Variants in ARHGAP15 observed in about 807,000 individuals in gnomAD.
The protein encoded by ARHGAP15 is Rho GTPase activating protein 15, also known as rho GTPase-activating protein 15.
Under a neutral mutation model 63.7 loss-of-function variants are expected in ARHGAP15, and 51 were observed. The observed-to-expected ratio is 0.80, with a 90% confidence interval of 0.64 to 1.01. The LOEUF is 1.01. Ranked by LOEUF, ARHGAP15 falls within the 50% of genes least tolerant of loss-of-function variation. The pLI is 0.00. For synonymous variants in ARHGAP15, 191 were observed against 193.8 expected, an observed-to-expected ratio of 0.99 and a Z score of 0.12; for missense variants, 560 against 564.6, an observed-to-expected ratio of 0.99 and a Z score of 0.08.
At chr2:143,619,972 C>T (rs1373722421) in intron 11 of ARHGAP15, among the ~76,000 whole-genome samples, 1 of 152,130 alleles carries the variant, frequency 6.6e-6, no homozygotes, top group African/African-American at 2.4e-5. Context: ...TTGTTGATCC[C>T]GTTCAAGAAA....
intron 6 of ARHGAP15, among the ~76,000 whole-genome samples, chr2:143,335,586 T>C (rs1225401268): frequency 6.6e-6 from 1 of 152,192 alleles, no homozygotes; most frequent in Non-Finnish European, 1.5e-5. Flanking sequence ...TAAAACTTAT[T>C]GGAACTCTTC....
intron 9 of ARHGAP15, among the ~76,000 whole-genome samples, chr2:143,499,872 A>G (rs1042008117): frequency 6.6e-6 from 1 of 152,122 alleles, no homozygotes; most frequent in African/African-American, 2.4e-5. Context: ...CATTATTTAA[A>G]AAGATGTTCT....
chr2:143,681,197 A>T (rs992330384), intron 12 of ARHGAP15, among the ~76,000 whole-genome samples: 2 of 152,120 alleles, frequency 1.3e-5, no homozygotes, highest in Admixed American at 1.3e-4. Context: ...CTCTAGGGGG[A>T]AATCAGTGAC....
intron 6 of ARHGAP15, among the ~76,000 whole-genome samples, chr2:143,368,742 A>G (rs1196729362): frequency 6.6e-6 from 1 of 152,104 alleles, no homozygotes; most frequent in Non-Finnish European, 1.5e-5. Flanking sequence ...GAAGAAAGCA[A>G]GTGAGAAGCA....
chr2:143,733,903 AAATT>A (rs1334058901), intron 13 of ARHGAP15, among the ~76,000 whole-genome samples: 2 of 152,194 alleles, frequency 1.3e-5, no homozygotes, highest in African/African-American at 2.4e-5. Context: ...TTTTCTTAAA[AAATT>A]ATTTAAGAAA....
Position 143,184,049 on chromosome 2 carries a change from C to T in ARHGAP15, c.166-18085C>T, listed in dbSNP as rs536886732. ...GTCCCAGGAAGAAAAGACAGAAACA[C>T]GTAACCTGAAATGACACAGCCGCTG... On this transcript the variant is annotated intron_variant, in intron 2 of 13. Transcript: ENST00000295095. Among the ~76,000 whole-genome samples the T allele has an allele frequency of 3.3e-5, 5 of 152,282 alleles. No individual in the cohort carries two copies. The East Asian group carries it at 5.8e-4, about 18-fold the overall frequency.
intron 8 of ARHGAP15, among the ~76,000 whole-genome samples, chr2:143,471,230 A>G (rs531671920): frequency 6.2e-4 from 91 of 147,522 alleles, no homozygotes; most frequent in Non-Finnish European, 1.1e-3. Flanking sequence ...ACACATGTGT[A>G]TGTGTATATG....
rs145993333 is a variant in ARHGAP15 at position 143,189,757 on chromosome 2, C to T, written c.166-12377C>T. Among the ~76,000 whole-genome samples the T allele has an allele frequency of 3.7e-3, 569 of 152,140 alleles. 5 individuals carry two copies. Among genetic ancestry groups the T allele is most frequent in the African/African-American group, 0.013 (524 of 41,534 alleles). On this transcript the variant is annotated intron_variant, in intron 2 of 13. Transcript: ENST00000295095. ...GATTACAGGCGTGAGCCACCGCACC[C>T]GGACTTGATCTTTTCTTTCTACTCG...
At chr2:143,372,321 G>A (rs976587377) in intron 6 of ARHGAP15, among the ~76,000 whole-genome samples, 26 of 134,572 alleles carry the variant, frequency 1.9e-4, no homozygotes, top group African/African-American at 4.7e-4. Flanking sequence ...CCAGCCTGGC[G>A]ACAAAAAATA....
intron 8 of ARHGAP15, among the ~76,000 whole-genome samples, chr2:143,455,241 G>A (rs550861434): frequency 7.9e-5 from 12 of 152,074 alleles, no homozygotes; most frequent in Admixed American, 5.9e-4. Flanking sequence ...AGCAATTCCC[G>A]GAACTTTTTA....
At chr2:143,686,777 A>G (rs982908391) in intron 12 of ARHGAP15, among the ~76,000 whole-genome samples, 3 of 152,148 alleles carry the variant, frequency 2.0e-5, no homozygotes, top group Non-Finnish European at 4.4e-5. Flanking sequence ...AATATTCCAG[A>G]TACACTGACG....
chr2:143,170,336 G>T (rs997801708), intron 2 of ARHGAP15, among the ~76,000 whole-genome samples: 1 of 152,064 alleles, frequency 6.6e-6, no homozygotes, highest in Non-Finnish European at 1.5e-5. Context: ...TATGTACTCG[G>T]CATTATGCTA....
chr2:143,670,149 A>T (rs1388745702), intron 12 of ARHGAP15, among the ~76,000 whole-genome samples: 1 of 152,132 alleles, frequency 6.6e-6, no homozygotes, highest in Non-Finnish European at 1.5e-5. Context: ...CCCCATACAG[A>T]AAAGCTCTTG....
At chr2:143,400,825 G>C (rs1022687471) in intron 6 of ARHGAP15, among the ~76,000 whole-genome samples, 9 of 151,984 alleles carry the variant, frequency 5.9e-5, no homozygotes, top group African/African-American at 2.2e-4. Flanking sequence ...TAGGGGAGTT[G>C]AGTAGACTTT....
intron 3 of ARHGAP15, among the ~76,000 whole-genome samples, chr2:143,208,916 C>T (rs6713381): frequency 6.6e-6 from 1 of 151,984 alleles, no homozygotes; most frequent in Non-Finnish European, 1.5e-5. Flanking sequence ...GAATCATCTG[C>T]TACCTCCTGA....
In ARHGAP15 at chr2:143,231,069, C is replaced by CTT. The variant is rs914904536; in HGVS notation, c.384+2419_384+2420dup. Among the ~76,000 whole-genome samples, 262 of 125,406 alleles carry CTT rather than the reference C, an allele frequency of 2.1e-3. 2 individuals are homozygous for CTT. The highest frequency in any genetic ancestry group is 5.5e-3 in the African/African-American group (184 of 33,380). 82.3% of individuals were successfully genotyped at this position (125,406 alleles called of 152,430 possible). A position where few individuals can be genotyped will look rare whatever the true frequency, so the allele number is the denominator to read the frequency against. ...AGTTGGACTCTAGGGGATGTAATTC[C>CTT]TTTTTTTTTTTTTTTTTTTACCACT... On this transcript the variant is annotated intron_variant, in intron 5 of 13. Coordinates refer to ENST00000295095, the MANE Select transcript of ARHGAP15 (RefSeq NM_018460.4).
At chr2:143,572,335 G>A (rs1444976507) in intron 11 of ARHGAP15, among the ~76,000 whole-genome samples, 2 of 152,028 alleles carry the variant, frequency 1.3e-5, no homozygotes, top group African/African-American at 4.8e-5. Context: ...CCTGACACCT[G>A]TAAGACACTG....
intron 1 of ARHGAP15, among the ~76,000 whole-genome samples, chr2:143,141,462 GAC>G (rs1408436298): frequency 6.6e-6 from 1 of 152,062 alleles, no homozygotes; most frequent in Admixed American, 6.6e-5. Flanking sequence ...GGGCAGAAGA[GAC>G]ACACAGCTCA....
chr2:143,264,992 T>G (rs1211023503), intron 6 of ARHGAP15, among the ~76,000 whole-genome samples: 1 of 152,180 alleles, frequency 6.6e-6, no homozygotes, highest in African/African-American at 2.4e-5. Flanking sequence ...CCTAACAAAG[T>G]TAACTTCTAG....
Sources: allele counts gnomAD v4.1 joint callset (sites outside exome capture counted in the v4.1 genomes callset), GRCh38; gene constraint gnomAD v4.1.1; transcripts MANE v1.5; gene names NCBI Gene and HGNC (gene_info 2026-07-23, HGNC 2026-07-21).